HMGCL: variants seen among roughly 807,000 people sequenced by gnomAD.
HMGCL encodes the protein 3-hydroxy-3-methylglutaryl-CoA lyase, also known as hydroxymethylglutaryl-CoA lyase, mitochondrial.
A neutral mutation model predicts 37.3 loss-of-function variants in HMGCL; 26 were observed. The ratio of observed to expected loss-of-function variants is 0.70; its 90% CI spans 0.51 to 0.97. The LOEUF (loss-of-function observed/expected upper bound fraction) is 0.97, where lower values mean the gene tolerates loss of function less well. Among genes scored for constraint, HMGCL ranks in the 50% least tolerant of loss-of-function variants. The pLI is 0.00. For missense variants in HMGCL, 379 were observed against 398.1 expected (o/e 0.95, Z 0.41); for synonymous variants, 151 against 148.0 (o/e 1.02, Z -0.15).
intron 5 of HMGCL, 65 bp downstream of exon 5, chr1:23,814,125 G>C (rs928592379): frequency 3.8e-6 from 6 of 1,574,026 alleles, no homozygotes; most frequent in Non-Finnish European, 4.4e-6. Context: ...AGGACCACTT[G>C]AGTCAGAGTC....
chr1:23,808,191 C>T lies in HMGCL; in HGVS notation c.694G>A (p.Val232Ile), dbSNP rs1208453047. ...TGACCATAGGTGTCATGGCAGTGGA[C>T]AGCCAGGGCAGCCAGAGGCACTTCC... is the stretch of plus-strand genomic sequence containing the variant. ...MQEVPLAALA[V>I]HCHDTYGQAL... Residue 232 changes from valine to isoleucine, a missense_variant, in exon 7 of 9, where the codon GTC becomes ATC. Physicochemically the swap from Val to Ile is conservative, Grantham distance 29 (BLOSUM62 3). Coordinates refer to ENST00000374490, the MANE Select transcript of HMGCL (RefSeq NM_000191.3). The T allele has an allele frequency of 1.9e-6, 3 of 1,613,974 alleles. No homozygotes were observed. The highest frequency in any genetic ancestry group is 2.7e-5 in the African/African-American group (2 of 74,916).
chr1:23,806,794 CA>C lies in HMGCL; in HGVS notation c.750+1340del. 2.7e-6 allele frequency: 1 copy of C among 372,128 alleles called. No homozygotes were observed. Among genetic ancestry groups the C allele is most frequent in the Non-Finnish European group, 5.3e-6 (1 of 188,952 alleles). The allele number at this position is 372,128 out of a possible 1,614,324, so 23.1% of individuals were successfully genotyped here. A position where few individuals can be genotyped will look rare whatever the true frequency, so the allele number is the denominator to read the frequency against. ...TGAGAACAGTGCCTAGCACACTAGG[CA>C]CCGTTAGGTTAGGTTTTAATAGGTG... On this transcript the variant is annotated intron_variant, in intron 7 of 8. Transcript: ENST00000374490. This position sits in a 1 kb window ranked among gnomAD's most constrained non-coding sequence, Gnocchi z 4.0.
chr1:23,811,097 C>A (rs1179523537), intron 5 of HMGCL, among the ~76,000 whole-genome samples: 1 of 152,068 alleles, frequency 6.6e-6, no homozygotes, highest in African/African-American at 2.4e-5. Flanking sequence ...GGAGAGTAAG[C>A]AGCTGGGTTG....
intron 7 of HMGCL, among the ~76,000 whole-genome samples, chr1:23,806,000 G>A (rs1029426381): frequency 1.3e-5 from 2 of 151,206 alleles, no homozygotes; most frequent in African/African-American, 4.9e-5. Context: ...GGAGTGCACT[G>A]GCGCCATCTC....
chr1:23,804,255 C>T, intron 8 of HMGCL, 145 bp downstream of exon 8: 1 of 928,702 alleles, frequency 1.1e-6, no homozygotes, highest in Non-Finnish European at 1.7e-6. Context: ...AGATTACAGG[C>T]ATGAGCCACT....
intron 7 of HMGCL, chr1:23,807,410 G>A (rs1638432732): frequency 2.3e-5 from 8 of 350,106 alleles, no homozygotes; most frequent in Non-Finnish European, 3.9e-5. Flanking sequence ...ATAATTGAGA[G>A]GAAAAAAAAA....
chr1:23,811,237 G>C (rs1638514838), intron 5 of HMGCL, among the ~76,000 whole-genome samples: 1 of 152,158 alleles, frequency 6.6e-6, no homozygotes, highest in Non-Finnish European at 1.5e-5. Flanking sequence ...TAACAGGCTG[G>C]GCTGGCCTGA....
At position 23,808,234 on chromosome 1, in the gene HMGCL, C is replaced by A. The variant is rs746968587; in HGVS notation, c.651G>T (p.Met217Ile). 3.1e-5 allele frequency: 50 copies of A among 1,613,824 alleles called. No homozygotes were observed. The East Asian group carries it at 1.1e-3, about 35-fold the overall frequency. Residue 217 changes from methionine to isoleucine, a missense_variant, in exon 7 of 9, where the codon ATG becomes ATT. Coordinates refer to ENST00000374490, the MANE Select transcript of HMGCL (RefSeq NM_000191.3). ...GVGTPGIMKD[M>I]LSAVMQEVPL... ...GCACTTCCTGCATGACAGCAGATAG[C>A]ATGTCTTTCATGATCCCTGGGGTGC... is the stretch of plus-strand genomic sequence containing the variant.
At position 23,806,484 on chromosome 1, in the gene HMGCL, C is replaced by T. The variant is rs774408389; in HGVS notation, c.750+1651G>A. 2.0e-5 allele frequency among the ~76,000 whole-genome samples: 3 copies of T among 152,186 alleles called. No individual in the cohort carries two copies. The highest frequency in any genetic ancestry group is 6.5e-5 in the Admixed American group (1 of 15,276). The stretch of plus-strand genomic sequence containing the variant: ...AGCACACTCCTCCCTCAGGGCTCTG[C>T]GCCTGCTTTCCTGGGTGGGGCTCCC... On this transcript the variant is annotated intron_variant, in intron 7 of 8. Transcript: ENST00000374490. This position sits in a 1 kb window ranked among gnomAD's most constrained non-coding sequence, Gnocchi z 4.0.
At chr1:23,815,818 C>T (rs1407501383) in intron 4 of HMGCL, among the ~76,000 whole-genome samples, 1 of 150,792 alleles carries the variant, frequency 6.6e-6, no homozygotes, top group East Asian at 1.9e-4. Flanking sequence ...TACAGTAGCA[C>T]TAGGAAACAA....
intron 2 of HMGCL, among the ~76,000 whole-genome samples, chr1:23,819,755 G>A (rs914622823): frequency 1.5e-4 from 22 of 150,084 alleles, no homozygotes; most frequent in African/African-American, 4.6e-4. Flanking sequence ...ACACACGCGC[G>A]CGTGCGTACG....
intron 1 of HMGCL, 22 bp from the exon 2 acceptor site, chr1:23,820,615 A>C (rs1638701708): frequency 1.3e-6 from 2 of 1,553,196 alleles, no homozygotes; most frequent in East Asian, 4.5e-5. Flanking sequence ...AAGAGGAAAC[A>C]AAAAGTATGA....
intron 8 of HMGCL, 131 bp from the exon 9 acceptor site, chr1:23,802,695 C>T (rs150717584): frequency 2.1e-5 from 15 of 707,790 alleles, no homozygotes; most frequent in African/African-American, 8.7e-5. Flanking sequence ...TCCTTGACAG[C>T]GGGGCACCAG....
intron 6 of HMGCL, 68 bp from the exon 7 acceptor site, chr1:23,808,391 A>C: frequency 7.3e-7 from 1 of 1,371,300 alleles, no homozygotes; most frequent in East Asian, 2.3e-5. Flanking sequence ...CACTCAGAAG[A>C]GGGGGCCTTT....
intron 6 of HMGCL, 177 bp downstream of exon 6, chr1:23,810,559 G>T: frequency 1.6e-6 from 1 of 641,926 alleles, no homozygotes; most frequent in Non-Finnish European, 2.9e-6. Flanking sequence ...GGCTAGGAGG[G>T]GGGCCTCTAG....
At position 23,821,288 on chromosome 1, in the gene HMGCL, T is replaced by C. The variant is rs1225961878; in HGVS notation, c.61-695A>G. On this transcript the variant is annotated intron_variant, in intron 1 of 8. Transcript: ENST00000374490. The stretch of plus-strand genomic sequence containing the variant: ...AGGAGAATTGCTTGAACCAGGGAGG[T>C]GGAAGTTGCAATGAGCCAAGATCGT... 2.0e-5 allele frequency among the ~76,000 whole-genome samples: 3 copies of C among 149,692 alleles called. No homozygotes were observed. In the East Asian group the frequency reaches 5.9e-4, roughly 29 times the overall value.
Position 23,806,013 on chromosome 1 carries a change from CTCACTGCAAA to C in HMGCL, c.751-1498_751-1489del, listed in dbSNP as rs2148417895. On this transcript the variant is annotated intron_variant, in intron 7 of 8. Transcript: ENST00000374490. This position sits in a 1 kb window ranked among gnomAD's most constrained non-coding sequence, Gnocchi z 4.0. ...CTGGAGTGCACTGGCGCCATCTCAGCTCACTGCAAATCACTGCAACCTCCACCTCCCGGGC... is the reference window on the plus strand; with the variant it reads ...CTGGAGTGCACTGGCGCCATCTCAGCTCACTGCAACCTCCACCTCCCGGGC... 6.6e-6 allele frequency among the ~76,000 whole-genome samples: 1 copy of C among 152,106 alleles called. No homozygotes were observed. Among genetic ancestry groups the C allele is most frequent in the Non-Finnish European group, 1.5e-5 (1 of 67,988 alleles).
chr1:23,815,791 G>A (rs1014343442), intron 4 of HMGCL, among the ~76,000 whole-genome samples: 6 of 151,454 alleles, frequency 4.0e-5, no homozygotes, highest in Admixed American at 2.0e-4. Flanking sequence ...CACCGCGCCC[G>A]GCCTGTAGTG....
intron 2 of HMGCL, among the ~76,000 whole-genome samples, chr1:23,819,096 C>A (rs550476045): frequency 1.6e-4 from 20 of 127,544 alleles, no homozygotes; most frequent in Non-Finnish European, 2.9e-4. Context: ...TTCAGAAAAA[C>A]ATGCCAAAAA....
Sources: gnomAD v4.1 joint callset for allele counts (sites outside exome capture counted in the v4.1 genomes callset) on GRCh38, gnomAD v4.1.1 for gene constraint, Gnocchi (gnomAD v3.1) non-coding constraint, MANE v1.5 for transcripts, NCBI Gene and HGNC (gene_info 2026-07-23, HGNC 2026-07-21) for gene names.